Variants in RERE observed in about 807,000 individuals in gnomAD.
RERE encodes arginine-glutamic acid dipeptide repeats, also known as arginine-glutamic acid dipeptide repeats protein.
Under a neutral mutation model 146.1 loss-of-function variants are expected in RERE, and 40 were observed. That is an observed-to-expected ratio of 0.27 (90% confidence interval 0.21 to 0.36). The LOEUF is 0.36. Ranked by LOEUF, RERE falls within the 10% of genes least tolerant of loss-of-function variation. The pLI, the probability that RERE is intolerant of heterozygous loss-of-function variation, is 1.00. For missense variants in RERE, 1,933 were observed against 2,138.7 expected (o/e 0.90, Z 1.90); for synonymous variants, 1,003 against 866.0 (o/e 1.16, Z -2.78).
intron 11 of RERE, among the ~76,000 whole-genome samples, chr1:8,449,348 C>T (rs1644364048): frequency 1.3e-5 from 2 of 152,154 alleles, no homozygotes; most frequent in South Asian, 4.1e-4. Context: ...ACTCCGCCGG[C>T]TAGACAGAGC....
At chr1:8,807,571 T>C (rs1205487783) in intron 1 of RERE, among the ~76,000 whole-genome samples, 1 of 152,162 alleles carries the variant, frequency 6.6e-6, no homozygotes, top group African/African-American at 2.4e-5. Context: ...CTTGAATCTC[T>C]CTAAGAGGAT....
At chr1:8,561,049 G>A (rs1646072333) in intron 4 of RERE, among the ~76,000 whole-genome samples, 1 of 152,174 alleles carries the variant, frequency 6.6e-6, no homozygotes, top group African/African-American at 2.4e-5. Flanking sequence ...CCAAGCCAGG[G>A]ATACTGGTGA....
chr1:8,667,590 T>C (rs186336262), intron 1 of RERE, among the ~76,000 whole-genome samples: 2 of 152,250 alleles, frequency 1.3e-5, no homozygotes, highest in East Asian at 1.9e-4. Flanking sequence ...GGCAGGAGAA[T>C]TGCTTGAACC....
chr1:8,592,321 G>A (rs930697918), intron 4 of RERE, among the ~76,000 whole-genome samples: 2 of 151,968 alleles, frequency 1.3e-5, no homozygotes, highest in African/African-American at 4.8e-5. Context: ...GCTGGATGGA[G>A]TGCGATGCTG....
Position 8,656,074 on chromosome 1 carries a change from T to C in RERE, c.224A>G (p.Asn75Ser), listed in dbSNP as rs747423555. ...SATAEESTKK[N>S]KKKPPKKKSR... is the part of the protein sequence containing the mutation. ...CTTTTTTTTCGGTGGTTTCTTCTTA[T>C]TCTTCTTCGTGGACTCCTCTGCGGT... The change falls in exon 2 of 23, where the codon AAT becomes AGT. Residue 75 changes from asparagine to serine, a missense_variant. By Grantham distance (46) the Asn-to-Ser change is conservative (BLOSUM62 1). This residue lies in a region of RERE where 107 missense variants were observed against 119.7 expected (regional missense o/e 0.89). Coordinates refer to ENST00000400908, the MANE Select transcript of RERE (RefSeq NM_001042681.2). The C allele has an allele frequency of 3.1e-6, 5 of 1,613,978 alleles. No homozygotes were observed. The highest frequency in any genetic ancestry group is 4.2e-6 in the Non-Finnish European group (5 of 1,180,010).
rs1404870220 is a variant in RERE at position 8,360,418 on chromosome 1, G to A, written c.3089C>T (p.Pro1030Leu). ...HPPTGLHQVAPQPPFAQHPFV... is the reference protein window; with the variant it reads ...HPPTGLHQVALQPPFAQHPFV... The stretch of plus-strand genomic sequence containing the variant: ...GGGGTGCTGAGCAAACGGGGGTTGG[G>A]GGGCCACCTGGTGGAGGCCTGTAGG... The change falls in exon 18 of 23, where the codon CCC (proline) becomes CTC (leucine). Residue 1030 changes from proline (P) to leucine (L), a missense_variant. Transcript: ENST00000400908. 45 of 1,276,354 alleles carry A rather than the reference G, an allele frequency of 3.5e-5. No homozygotes were observed. The highest frequency in any genetic ancestry group is 4.5e-5 in the Non-Finnish European group (45 of 998,394). The allele number at this position is 1,276,354 out of a possible 1,614,324, so 79.1% of individuals were successfully genotyped here. A position where few individuals can be genotyped will look rare whatever the true frequency, so the allele number is the denominator to read the frequency against.
chr1:8,440,589 A>T (rs1366338831), intron 11 of RERE, among the ~76,000 whole-genome samples: 1 of 110,484 alleles, frequency 9.1e-6, no homozygotes, highest in African/African-American at 4.0e-5. Context: ...GACTCCACCT[A>T]AAAAAAAAAA....
At chr1:8,565,233 C>T (rs1210592336) in intron 4 of RERE, among the ~76,000 whole-genome samples, 1 of 152,036 alleles carries the variant, frequency 6.6e-6, no homozygotes, top group Non-Finnish European at 1.5e-5. Flanking sequence ...ATGTTGCCAT[C>T]ATAAAAAATG....
At chr1:8,444,876 AC>A (rs1644297525) in intron 11 of RERE, among the ~76,000 whole-genome samples, 2 of 151,868 alleles carry the variant, frequency 1.3e-5, no homozygotes, top group Admixed American at 1.3e-4. Flanking sequence ...TCATGCTTGT[AC>A]AGCCTATAGA....
Position 8,414,480 on chromosome 1 carries a change from C to T in RERE, c.1284+8247G>A, listed in dbSNP as rs12097828. 3.0e-3 allele frequency among the ~76,000 whole-genome samples: 463 copies of T among 152,150 alleles called. 2 individuals carry two copies. Among genetic ancestry groups the T allele is most frequent in the African/African-American group, 0.01 (434 of 41,490 alleles). On this transcript the variant is annotated intron_variant, in intron 12 of 22. Coordinates refer to ENST00000400908, the MANE Select transcript of RERE (RefSeq NM_001042681.2). ...CTGAGGCAGGAGAATCACTTGAACCCGGGAGGTGGAGGTTGCGGTGAGCTG... is the reference window on the plus strand; with the variant it reads ...CTGAGGCAGGAGAATCACTTGAACCTGGGAGGTGGAGGTTGCGGTGAGCTG...
intron 4 of RERE, among the ~76,000 whole-genome samples, chr1:8,577,442 C>T (rs1452984481): frequency 1.3e-5 from 2 of 151,998 alleles, no homozygotes; most frequent in Admixed American, 6.6e-5. Context: ...GAGAATAAAA[C>T]GGAACAGAAA....
rs1023586507 is a variant in RERE, at chr1:8,352,824, G to C, written c.*2263C>G. 2 of 152,426 alleles carry C rather than the reference G, an allele frequency of 1.3e-5. No individual in the cohort carries two copies. The highest frequency in any genetic ancestry group is 2.9e-5 in the Non-Finnish European group (2 of 68,044). 9.4% of individuals were successfully genotyped at this position (152,426 alleles called of 1,614,324 possible). ...TTAGATGGAAGAATCTCAGCGCTTC[G>C]CCTTGGGATATGGGGAGAAAAGCAA... On this transcript the variant is annotated 3_prime_UTR_variant, in exon 23 of 23. Transcript: ENST00000400908.
chr1:8,378,018 G>T lies in RERE; in HGVS notation c.1285-12044C>A, dbSNP rs1308831540. ...TCTCTTATATTTTATGGTTTTTATG[G>T]ATGCACAGCAAATTATCATGTATAA... On this transcript the variant is annotated intron_variant, in intron 12 of 22. Coordinates refer to ENST00000400908, the MANE Select transcript of RERE (RefSeq NM_001042681.2). 3.9e-5 allele frequency among the ~76,000 whole-genome samples: 6 copies of T among 152,134 alleles called. 1 individual carries two copies. The highest frequency in any genetic ancestry group is 8.8e-5 in the Non-Finnish European group (6 of 68,036).
chr1:8,398,372 C>G (rs1479819279), intron 12 of RERE, among the ~76,000 whole-genome samples: 1 of 152,204 alleles, frequency 6.6e-6, no homozygotes, highest in Non-Finnish European at 1.5e-5. Flanking sequence ...TAGCTTTGCT[C>G]TCCTGTGTGC....
intron 1 of RERE, among the ~76,000 whole-genome samples, chr1:8,789,196 G>GCA (rs1641312374): frequency 1.4e-5 from 2 of 147,176 alleles, no homozygotes; most frequent in African/African-American, 5.0e-5. Flanking sequence ...TGTAATCCCA[G>GCA]CATTTGGGGA....
intron 1 of RERE, chr1:8,807,005 T>C (rs1641704975): frequency 6.6e-6 from 1 of 152,208 alleles, no homozygotes; most frequent in Non-Finnish European, 1.5e-5. Context: ...ATCTTATTTA[T>C]CACAAGATAT....
At chr1:8,733,113 G>A (rs1001747211) in intron 1 of RERE, among the ~76,000 whole-genome samples, 6 of 151,756 alleles carry the variant, frequency 4.0e-5, no homozygotes, top group African/African-American at 1.2e-4. Flanking sequence ...GAGCCACCAC[G>A]CCCAGCCCGA....
At chr1:8,606,061 C>T (rs1170687158) in intron 4 of RERE, among the ~76,000 whole-genome samples, 1 of 151,938 alleles carries the variant, frequency 6.6e-6, no homozygotes, top group African/African-American at 2.4e-5. Flanking sequence ...AGCAATCCTC[C>T]AGTCTTGGCC....
rs145930573 is a variant in RERE at position 8,610,028 on chromosome 1, C to A, written c.522+4533G>T. Among the ~76,000 whole-genome samples, 623 of 152,184 alleles carry A rather than the reference C, an allele frequency of 4.1e-3. 5 individuals carry two copies. The highest frequency in any genetic ancestry group is 0.014 in the African/African-American group (597 of 41,524). Reference sequence around the variant, plus strand: ...AAGTGACCGAACCGCCCCAGCCTCCCAAACTGCTGGGGATTACAGGCGTGA... The same window carrying A: ...AAGTGACCGAACCGCCCCAGCCTCCAAAACTGCTGGGGATTACAGGCGTGA... On this transcript the variant is annotated intron_variant, in intron 4 of 22. Coordinates refer to ENST00000400908, the MANE Select transcript of RERE (RefSeq NM_001042681.2).
Sources: allele counts gnomAD v4.1 joint callset (sites outside exome capture counted in the v4.1 genomes callset), GRCh38; gene constraint gnomAD v4.1.1; regional missense constraint gnomAD v4.1.1; transcripts MANE v1.5; gene names NCBI Gene and HGNC (gene_info 2026-07-23, HGNC 2026-07-21).